Variants in SETD2 observed in about 807,000 individuals in gnomAD.
The protein encoded by SETD2 is histone-lysine N-methyltransferase SETD2.
Under a neutral mutation model 242.1 loss-of-function variants are expected in SETD2, and 31 were observed. That is an observed-to-expected ratio of 0.13 (90% confidence interval 0.10 to 0.17). SETD2 has a LOEUF of 0.17. Among genes scored for constraint, SETD2 ranks in the 10% least tolerant of loss-of-function variants. The pLI is 1.00. For synonymous variants in SETD2, 1,006 were observed against 1,066.5 expected (o/e 0.94, Z 1.11); for missense variants, 2,481 against 3,046.3 (o/e 0.81, Z 4.37).
chr3:47,104,786 G>C (rs1373620083), intron 6 of SETD2, among the ~76,000 whole-genome samples: 3 of 152,174 alleles, frequency 2.0e-5, no homozygotes, highest in African/African-American at 7.2e-5. Flanking sequence ...TAAAGACCAA[G>C]ATGGGCTGGG....
At chr3:47,042,816 G>A in intron 16 of SETD2, 116 bp from the exon 17 acceptor site, 2 of 939,872 alleles carry the variant, frequency 2.1e-6, no homozygotes, top group Non-Finnish European at 3.2e-6. Context: ...CTTAAAAAAA[G>A]GATAAAGGAA....
chr3:47,063,742 TG>T (rs967826508), intron 13 of SETD2, among the ~76,000 whole-genome samples: 2 of 152,100 alleles, frequency 1.3e-5, no homozygotes, highest in African/African-American at 2.4e-5. Context: ...CCCAGCACTT[TG>T]GGAGGCCAAG....
intron 18 of SETD2, among the ~76,000 whole-genome samples, chr3:47,020,665 T>G (rs755978449): frequency 3.3e-5 from 5 of 152,190 alleles, no homozygotes; most frequent in Non-Finnish European, 7.3e-5. Context: ...TAAATGTGCT[T>G]TTCCACGGAA....
At chr3:47,086,397 T>G in intron 10 of SETD2, 83 bp from the exon 11 acceptor site, 1 of 1,391,634 alleles carries the variant, frequency 7.2e-7, no homozygotes, top group Non-Finnish European at 1.0e-6. Context: ...AGAGTTCATG[T>G]ATACGTTACA....
chr3:47,046,861 T>A (rs2039554821), intron 15 of SETD2: 1 of 224,324 alleles, frequency 4.5e-6, no homozygotes, highest in Non-Finnish European at 8.6e-6. Context: ...AATAAAAGCT[T>A]TTTTTTTTTT....
chr3:47,164,010 ACCGCGGCGGCGGCGGCGG>A lies in SETD2; in HGVS notation c.-104_-87del, dbSNP rs1697592370. 1 of 1,153,558 alleles carries A rather than the reference ACCGCGGCGGCGGCGGCGG, an allele frequency of 8.7e-7. No homozygotes were observed. The highest frequency in any genetic ancestry group is 1.0e-6 in the Non-Finnish European group (1 of 952,562). 71.5% of individuals were successfully genotyped at this position (1,153,558 alleles called of 1,614,324 possible). ...GGGAGGGGAGGAGGCCGCAGGTCCG[ACCGCGGCGGCGGCGGCGG>A]CGGCGGCGGCGGCGGCAGGGGCGGC... is the stretch of plus-strand genomic sequence containing the variant. On this transcript the variant is annotated 5_prime_UTR_variant, in exon 1 of 21. Transcript: ENST00000409792. This position sits in a 1 kb window ranked among gnomAD's most constrained non-coding sequence, Gnocchi z 5.4.
intron 13 of SETD2, among the ~76,000 whole-genome samples, chr3:47,066,233 C>T (rs917382649): frequency 1.3e-5 from 2 of 152,162 alleles, no homozygotes; most frequent in Non-Finnish European, 2.9e-5. Context: ...ACATAATACA[C>T]ATAACATACA....
Position 47,073,455 on chromosome 3 carries a change from T to C in SETD2, c.6061-6337A>G, listed in dbSNP as rs180870195. ...CACCTGAGTAGAGGGGAAGCGCAAG[T>C]AGGTCAAAGAGATTTGATTAGAAGA... On this transcript the variant is annotated intron_variant, in intron 12 of 20. Coordinates refer to ENST00000409792, the MANE Select transcript of SETD2 (RefSeq NM_014159.7). 4.6e-5 allele frequency among the ~76,000 whole-genome samples: 7 copies of C among 152,158 alleles called. No homozygotes were observed. In the East Asian group the frequency reaches 1.2e-3, roughly 25 times the overall value.
intron 16 of SETD2, among the ~76,000 whole-genome samples, chr3:47,043,652 G>GT (rs1266176547): frequency 6.6e-6 from 1 of 152,174 alleles, no homozygotes; most frequent in Non-Finnish European, 1.5e-5. Flanking sequence ...AGAGGAACCT[G>GT]AAGACCCCAG....
chr3:47,144,859 G>A (rs754084849), intron 1 of SETD2, among the ~76,000 whole-genome samples: 6 of 151,902 alleles, frequency 3.9e-5, no homozygotes, highest in Non-Finnish European at 8.8e-5. Context: ...GCTGAGGTAC[G>A]AGAATCGCTT....
At chr3:47,077,025 G>A (rs2041109471) in intron 12 of SETD2, among the ~76,000 whole-genome samples, 1 of 152,200 alleles carries the variant, frequency 6.6e-6, no homozygotes, top group Non-Finnish European at 1.5e-5. Flanking sequence ...GATAAATGTT[G>A]TAAAAGTGTA....
rs145856771 is a variant in SETD2 at position 47,157,313 on chromosome 3, A to C, written c.71+6541T>G. ...GGTGCACATTTGCAGTCCTAGATAC[A>C]TGGGACAATCACTTGAGCCCAGGAG... On this transcript the variant is annotated intron_variant, in intron 1 of 20. Coordinates refer to ENST00000409792, the MANE Select transcript of SETD2 (RefSeq NM_014159.7). 3.9e-5 allele frequency among the ~76,000 whole-genome samples: 6 copies of C among 152,226 alleles called. 1 individual carries two copies. The East Asian group carries it at 1.2e-3, about 29-fold the overall frequency.
intron 14 of SETD2, among the ~76,000 whole-genome samples, chr3:47,058,060 G>A (rs1047789815): frequency 2.6e-5 from 4 of 152,096 alleles, no homozygotes; most frequent in African/African-American, 9.7e-5. Flanking sequence ...AGAAAAGCCC[G>A]ATTAAAGAAG....
At chr3:47,108,857 G>C (rs1249684220) in intron 5 of SETD2, among the ~76,000 whole-genome samples, 1 of 152,158 alleles carries the variant, frequency 6.6e-6, no homozygotes, top group Non-Finnish European at 1.5e-5. Flanking sequence ...CTAAGATTTA[G>C]GTTTCTTAGA....
At chr3:47,087,998 A>C in intron 10 of SETD2, 115 bp downstream of exon 10, 1 of 1,087,786 alleles carries the variant, frequency 9.2e-7, no homozygotes, top group Non-Finnish European at 1.3e-6. Flanking sequence ...CAAACAAATA[A>C]ATAAATAAAT....
intron 18 of SETD2, among the ~76,000 whole-genome samples, chr3:47,036,692 CAGG>C: frequency 6.6e-6 from 1 of 151,772 alleles, no homozygotes; most frequent in East Asian, 1.9e-4. Context: ...CACCTGTGGT[CAGG>C]AGTTCAAAAC....
intron 1 of SETD2, among the ~76,000 whole-genome samples, chr3:47,144,932 C>T (rs1453631260): frequency 1.3e-5 from 2 of 152,128 alleles, no homozygotes; most frequent in Admixed American, 1.3e-4. Flanking sequence ...GCCTGGGCGA[C>T]AAGTGAGACT....
chr3:47,163,840 G>C lies in SETD2; in HGVS notation c.71+14C>G. On this transcript the variant is annotated intron_variant, in intron 1 of 20. Coordinates refer to ENST00000409792, the MANE Select transcript of SETD2 (RefSeq NM_014159.7). ...CGGCCGACAGCAGCGGGGGGCCGCG[G>C]AGCTGATACTTACTCAGGGGTCGGG... The C allele has an allele frequency of 7.8e-7, 1 of 1,282,870 alleles. No homozygotes were observed. The highest frequency in any genetic ancestry group is 9.9e-7 in the Non-Finnish European group (1 of 1,007,340). 79.5% of individuals were successfully genotyped at this position (1,282,870 alleles called of 1,614,324 possible). A position where few individuals can be genotyped will look rare whatever the true frequency, so the allele number is the denominator to read the frequency against.
chr3:47,035,340 A>G (rs2038950697), intron 18 of SETD2, among the ~76,000 whole-genome samples: 1 of 152,228 alleles, frequency 6.6e-6, no homozygotes, highest in South Asian at 2.1e-4. Context: ...GTCCATCTCC[A>G]GCAGAGAGCC....
Sources: gnomAD v4.1 joint callset for allele counts (sites outside exome capture counted in the v4.1 genomes callset) on GRCh38, gnomAD v4.1.1 for gene constraint, Gnocchi (gnomAD v3.1) non-coding constraint, MANE v1.5 for transcripts, NCBI Gene and HGNC (gene_info 2026-07-23, HGNC 2026-07-21) for gene names.